CPVL: variants seen among roughly 807,000 people sequenced by gnomAD.
CPVL encodes probable serine carboxypeptidase CPVL.
In CPVL, 51 loss-of-function variants were observed where a neutral mutation model predicts 63.7. That is an observed-to-expected ratio of 0.80 (90% confidence interval 0.64 to 1.01). The LOEUF (loss-of-function observed/expected upper bound fraction) is 1.01, where lower values mean the gene tolerates loss of function less well. Among genes scored for constraint, CPVL ranks in the 50% least tolerant of loss-of-function variants. The pLI is 0.00. For missense variants in CPVL, 530 were observed against 573.1 expected, an observed-to-expected ratio of 0.92 and a Z score of 0.77; for synonymous variants, 195 against 206.0, an observed-to-expected ratio of 0.95 and a Z score of 0.46.
chr7:29,180,687 T>C (rs992972710), intron 5 of CPVL, among the ~76,000 whole-genome samples: 11 of 152,198 alleles, frequency 7.2e-5, no homozygotes, highest in African/African-American at 2.7e-4. Context: ...TAAAGAGTTA[T>C]TACAAACTAA....
chr7:29,027,531 G>A (rs1410922502), intron 12 of CPVL, among the ~76,000 whole-genome samples: 1 of 152,120 alleles, frequency 6.6e-6, no homozygotes, highest in Admixed American at 6.6e-5. Context: ...AAAAGAGCAA[G>A]TCAAACTGTT....
chr7:29,091,688 T>C (rs1785812571), intron 6 of CPVL, among the ~76,000 whole-genome samples: 1 of 150,916 alleles, frequency 6.6e-6, no homozygotes, highest in African/African-American at 2.5e-5. Context: ...CAAACAAAAG[T>C]GGAGAAGACA....
chr7:29,000,079 T>C (rs1482972350), intron 12 of CPVL, among the ~76,000 whole-genome samples: 1 of 152,170 alleles, frequency 6.6e-6, no homozygotes, highest in Non-Finnish European at 1.5e-5. Context: ...AGCTGCAGCC[T>C]CTAACTTCAT....
At chr7:29,071,173 A>G (rs1783699963) in intron 9 of CPVL, among the ~76,000 whole-genome samples, 1 of 152,256 alleles carries the variant, frequency 6.6e-6, no homozygotes, top group African/African-American at 2.4e-5. Context: ...TACATTTTAA[A>G]TAACTGAGAA....
intron 12 of CPVL, among the ~76,000 whole-genome samples, chr7:28,996,549 C>CAAAAAAAAAAAAAAAAAAAAAAAAAAAAA (rs549584191): frequency 8.8e-6 from 1 of 113,558 alleles, no homozygotes. Context: ...AACCAAAAAA[C>CAAAAAAAAAAAAAAAAAAAAAAAAAAAAA]AAAAAAAAAA....
intron 4 of CPVL, 53 bp from the exon 5 acceptor site, chr7:29,095,195 G>A (rs928147509): frequency 2.6e-5 from 39 of 1,480,734 alleles, no homozygotes; most frequent in Admixed American, 3.3e-5. Context: ...GCATTCCACC[G>A]AGGCCTCATG....
chr7:29,169,728 C>T (rs955556359), intron 5 of CPVL, among the ~76,000 whole-genome samples: 5 of 152,088 alleles, frequency 3.3e-5, no homozygotes, highest in Admixed American at 1.3e-4. Flanking sequence ...AGAAAAGCTT[C>T]TTCCTCCCTT....
At chr7:29,051,427 T>C (rs1790145846) in intron 11 of CPVL, among the ~76,000 whole-genome samples, 1 of 151,988 alleles carries the variant, frequency 6.6e-6, no homozygotes, top group South Asian at 2.1e-4. Flanking sequence ...CATCAAAAAG[T>C]GGGCTAAGGA....
chr7:29,086,112 T>C (rs370310160), intron 7 of CPVL, among the ~76,000 whole-genome samples: 10 of 151,986 alleles, frequency 6.6e-5, no homozygotes, highest in Admixed American at 3.3e-4. Flanking sequence ...GCCAACATGG[T>C]GAAACCCCAT....
At chr7:29,033,654 CT>C (rs1411984205) in intron 11 of CPVL, among the ~76,000 whole-genome samples, 2 of 152,196 alleles carry the variant, frequency 1.3e-5, no homozygotes, top group Non-Finnish European at 2.9e-5. Context: ...ATGAATGCAG[CT>C]TTTAGCTACA....
chr7:29,157,229 A>T (rs1424961673), intron 5 of CPVL, among the ~76,000 whole-genome samples: 1 of 152,110 alleles, frequency 6.6e-6, no homozygotes, highest in Non-Finnish European at 1.5e-5. Context: ...CTGAGTGGGG[A>T]GGAAAAAAAG....
intron 1 of CPVL, among the ~76,000 whole-genome samples, chr7:29,123,597 GAAAAAAAAAAA>G (rs778757980): frequency 1.9e-4 from 8 of 41,252 alleles, no homozygotes; most frequent in Admixed American, 4.6e-4. Flanking sequence ...AACTGGTTCA[GAAAAAAAAAAA>G]AAAAAAAAAA....
At chr7:29,043,939 G>A (rs953094622) in intron 11 of CPVL, among the ~76,000 whole-genome samples, 13 of 152,174 alleles carry the variant, frequency 8.5e-5, no homozygotes, top group Admixed American at 7.9e-4. Flanking sequence ...AGAGGAAACT[G>A]GAGTGGAAAG....
chr7:29,128,924 G>A (rs545111928), intron 1 of CPVL, among the ~76,000 whole-genome samples: 2 of 152,204 alleles, frequency 1.3e-5, no homozygotes, highest in East Asian at 3.9e-4. Context: ...GTCAATAGGG[G>A]AGGGAGTGGT....
intron 11 of CPVL, among the ~76,000 whole-genome samples, chr7:29,038,356 CA>C (rs1788747531): frequency 6.6e-6 from 1 of 152,106 alleles, no homozygotes; most frequent in Admixed American, 6.5e-5. Flanking sequence ...TGTGAGGATA[CA>C]AAAAGAGGTC....
intron 5 of CPVL, among the ~76,000 whole-genome samples, chr7:29,094,671 C>T (rs1786210485): frequency 6.6e-6 from 1 of 151,920 alleles, no homozygotes; most frequent in South Asian, 2.1e-4. Flanking sequence ...ACATGGTGAA[C>T]ACCCCCCACC....
chr7:29,030,052 A>C (rs1485087604), intron 12 of CPVL, among the ~76,000 whole-genome samples: 2 of 152,192 alleles, frequency 1.3e-5, no homozygotes, highest in Admixed American at 1.3e-4. Flanking sequence ...AACACTTCCC[A>C]ACTTATTTTA....
intron 9 of CPVL, among the ~76,000 whole-genome samples, chr7:29,071,445 C>T (rs1283401614): frequency 6.6e-6 from 1 of 152,222 alleles, no homozygotes; most frequent in Non-Finnish European, 1.5e-5. Flanking sequence ...TCCTGGGTTG[C>T]CTTTCTTCTG....
intron 5 of CPVL, among the ~76,000 whole-genome samples, chr7:29,173,318 G>C (rs1796856713): frequency 6.6e-6 from 1 of 152,066 alleles, no homozygotes; most frequent in African/African-American, 2.4e-5. Context: ...AGCCTCGAGT[G>C]GGGGCCTAAC....
Sources: allele counts gnomAD v4.1 joint callset (sites outside exome capture counted in the v4.1 genomes callset), GRCh38; gene constraint gnomAD v4.1.1; transcripts MANE v1.5; gene names NCBI Gene and HGNC (gene_info 2026-07-23, HGNC 2026-07-21).